Variants in MTHFD2L observed in about 807,000 individuals in gnomAD.
MTHFD2L encodes methylenetetrahydrofolate dehydrogenase (NADP+ dependent) 2 like, also known as bifunctional methylenetetrahydrofolate dehydrogenase/cyclohydrolase 2, mitochondrial.
A neutral mutation model predicts 34.9 loss-of-function variants in MTHFD2L; 29 were observed. The ratio of observed to expected loss-of-function variants is 0.83; its 90% confidence interval spans 0.62 to 1.13. MTHFD2L has a LOEUF of 1.13. MTHFD2L is among the 50% of genes most tolerant of loss of function. MTHFD2L has a pLI of 0.00. For synonymous variants in MTHFD2L, 167 were observed against 155.7 expected (o/e 1.07, Z -0.54); for missense variants, 481 against 446.5 (o/e 1.08, Z -0.70).
At chr4:74,254,176 A>G (rs1027803514) in intron 6 of MTHFD2L, among the ~76,000 whole-genome samples, 4 of 152,198 alleles carry the variant, frequency 2.6e-5, no homozygotes, top group Non-Finnish European at 5.9e-5. Flanking sequence ...AGGGAAATGA[A>G]TATCAAGATC....
intron 6 of MTHFD2L, among the ~76,000 whole-genome samples, chr4:74,231,956 C>A (rs1329066320): frequency 6.6e-6 from 1 of 152,006 alleles, no homozygotes; most frequent in Non-Finnish European, 1.5e-5. Context: ...CTAGCCAATC[C>A]ATGTAAAGAG....
intron 1 of MTHFD2L, among the ~76,000 whole-genome samples, chr4:74,172,018 T>G (rs1247018578): frequency 6.6e-6 from 1 of 152,178 alleles, no homozygotes; most frequent in Non-Finnish European, 1.5e-5. Flanking sequence ...TGCAACTATG[T>G]GAATCAATTA....
intron 5 of MTHFD2L, among the ~76,000 whole-genome samples, chr4:74,206,368 G>T (rs1219746212): frequency 1.3e-5 from 2 of 152,048 alleles, no homozygotes; most frequent in African/African-American, 2.4e-5. Context: ...TTAACCAGGG[G>T]CCTTGAAGTA....
chr4:74,206,593 A>G (rs1266584998), intron 5 of MTHFD2L, among the ~76,000 whole-genome samples: 3 of 152,134 alleles, frequency 2.0e-5, no homozygotes, highest in Non-Finnish European at 4.4e-5. Flanking sequence ...TTGAAACCCA[A>G]GAGAAAGAAA....
chr4:74,245,577 T>C (rs1407707869), intron 6 of MTHFD2L, among the ~76,000 whole-genome samples: 1 of 152,096 alleles, frequency 6.6e-6, no homozygotes, highest in African/African-American at 2.4e-5. Flanking sequence ...GCTGCACCCA[T>C]TAACTCGTCA....
chr4:74,247,890 T>A (rs1282497930), intron 6 of MTHFD2L, among the ~76,000 whole-genome samples: 2 of 152,336 alleles, frequency 1.3e-5, no homozygotes, highest in African/African-American at 4.8e-5. Flanking sequence ...GCCAGTATTT[T>A]ATTGAGAATT....
intron 1 of MTHFD2L, among the ~76,000 whole-genome samples, chr4:74,137,424 C>T (rs514044): frequency 0.99 from 150,775 of 152,256 alleles, 74,677 homozygotes; most frequent in East Asian, 1. Flanking sequence ...AGATATCATC[C>T]CATCCCAGTT....
At chr4:74,195,965 G>C (rs886952380) in intron 3 of MTHFD2L, 1 of 152,276 alleles carries the variant, frequency 6.6e-6, no homozygotes, top group African/African-American at 2.4e-5. Context: ...AGGCAGATTT[G>C]CTCTGAGCAG....
chr4:74,152,184 C>A (rs764056940), intron 1 of MTHFD2L, among the ~76,000 whole-genome samples: 9 of 151,286 alleles, frequency 5.9e-5, no homozygotes, highest in African/African-American at 1.2e-4. Flanking sequence ...TTTTTGTATT[C>A]TTTTAAATTG....
At chr4:74,281,829 A>C (rs2110279162) in intron 7 of MTHFD2L, among the ~76,000 whole-genome samples, 1 of 151,924 alleles carries the variant, frequency 6.6e-6, no homozygotes. Flanking sequence ...TACAGTTTTT[A>C]TTGATAGAAT....
At chr4:74,259,731 A>G (rs778216591) in intron 6 of MTHFD2L, among the ~76,000 whole-genome samples, 5 of 152,314 alleles carry the variant, frequency 3.3e-5, no homozygotes, top group Admixed American at 1.3e-4. Flanking sequence ...GATCAGCTAT[A>G]TGTTTAACAG....
chr4:74,142,696 G>C (rs761170566), intron 1 of MTHFD2L, among the ~76,000 whole-genome samples: 2 of 152,134 alleles, frequency 1.3e-5, no homozygotes, highest in Non-Finnish European at 2.9e-5. Context: ...CTTATTCCAT[G>C]GCTCCAAGTA....
upstream of MTHFD2L, among the ~76,000 whole-genome samples, chr4:74,153,714 GA>G (rs1320799336): frequency 1.3e-5 from 2 of 152,074 alleles, no homozygotes; most frequent in African/African-American, 4.8e-5. Context: ...TTCTGGTATT[GA>G]TTCTAATATA....
At chr4:74,198,104 CA>C (rs1367308491) in intron 3 of MTHFD2L, among the ~76,000 whole-genome samples, 1 of 152,042 alleles carries the variant, frequency 6.6e-6, no homozygotes, top group Non-Finnish European at 1.5e-5. Context: ...TAAGACAAAC[CA>C]AAATGGTGAT....
At chr4:74,171,374 A>G (rs1038978482) in intron 1 of MTHFD2L, among the ~76,000 whole-genome samples, 2 of 152,224 alleles carry the variant, frequency 1.3e-5, no homozygotes, top group Non-Finnish European at 2.9e-5. Context: ...TGGAGCAACC[A>G]GAACTCATAT....
intron 1 of MTHFD2L, among the ~76,000 whole-genome samples, chr4:74,131,799 C>A (rs142058646): frequency 1.5e-3 from 234 of 152,220 alleles, no homozygotes; most frequent in African/African-American, 5.6e-3. Flanking sequence ...AACAGGCAAC[C>A]TATAGAATGA....
chr4:74,301,750 A>G lies in MTHFD2L; in HGVS notation c.985A>G (p.Met329Val), dbSNP rs1345846456. Residue 329 changes from methionine to valine, a missense_variant, in exon 8 of 8, where the codon ATG (methionine) becomes GTG (valine). By Grantham distance (21) the Met-to-Val change is conservative (BLOSUM62 1). Transcript: ENST00000325278. Reference protein sequence around the residue: ...ITPVPGGVGPMTVAMLLKNTL... With the variant: ...ITPVPGGVGPVTVAMLLKNTL... ...TCCAGTTCCAGGAGGTGTGGGACCCATGACAGTGGCAATGCTTCTGAAGAA... is the reference window on the plus strand; with the variant it reads ...TCCAGTTCCAGGAGGTGTGGGACCCGTGACAGTGGCAATGCTTCTGAAGAA... 4 of 1,609,384 alleles carry G rather than the reference A, an allele frequency of 2.5e-6. No individual in the cohort carries two copies. The highest frequency in any genetic ancestry group is 1.7e-5 in the Admixed American group (1 of 59,494).
intron 5 of MTHFD2L, among the ~76,000 whole-genome samples, chr4:74,215,403 C>T (rs565086994): frequency 2.0e-5 from 3 of 151,872 alleles, no homozygotes; most frequent in African/African-American, 4.9e-5. Context: ...TGGAATGCAT[C>T]GTCCCTCACA....
At chr4:74,216,849 A>G (rs1034629463) in intron 5 of MTHFD2L, among the ~76,000 whole-genome samples, 3 of 151,722 alleles carry the variant, frequency 2.0e-5, no homozygotes, top group African/African-American at 7.3e-5. Context: ...TCTATTTCTC[A>G]CTTGGAACAC....
Sources: gnomAD v4.1 joint callset for allele counts (sites outside exome capture counted in the v4.1 genomes callset) on GRCh38, gnomAD v4.1.1 for gene constraint, MANE v1.5 for transcripts, NCBI Gene and HGNC (gene_info 2026-07-23, HGNC 2026-07-21) for gene names.